Variants in MEGF11 observed in about 807,000 individuals in gnomAD.
MEGF11 encodes multiple epidermal growth factor-like domains protein 11.
Under a neutral mutation model 146.6 loss-of-function variants are expected in MEGF11, and 126 were observed. That is an observed-to-expected ratio of 0.86 (90% confidence interval 0.74 to 1.00). The LOEUF (loss-of-function observed/expected upper bound fraction) is 1.00. MEGF11 is among the 50% of genes least tolerant of loss of function. The probability of loss-of-function intolerance (pLI) is 0.00; values close to 1 mark genes in which losing one functional copy is unlikely to be tolerated. For synonymous variants in MEGF11, 532 were observed against 583.4 expected (o/e 0.91, Z 1.27); for missense variants, 1,509 against 1,521.2 (o/e 0.99, Z 0.13).
At chr15:65,942,368 AG>A (rs1354920866) in intron 10 of MEGF11, among the ~76,000 whole-genome samples, 1 of 152,184 alleles carries the variant, frequency 6.6e-6, no homozygotes, top group African/African-American at 2.4e-5. Context: ...GGGAACTCTT[AG>A]GGGGCATTTG....
At chr15:66,242,894 G>A (rs2092239023) in intron 1 of MEGF11, among the ~76,000 whole-genome samples, 1 of 152,168 alleles carries the variant, frequency 6.6e-6, no homozygotes, top group African/African-American at 2.4e-5. Context: ...TACTGAGAGA[G>A]GAAGGAAATC....
At chr15:66,108,947 C>A (rs1199123411) in intron 4 of MEGF11, among the ~76,000 whole-genome samples, 1 of 152,214 alleles carries the variant, frequency 6.6e-6, no homozygotes, top group Non-Finnish European at 1.5e-5. Context: ...CTGACACAAC[C>A]AAAGGCTTCC....
At chr15:66,107,276 AG>A (rs1223719575) in intron 4 of MEGF11, among the ~76,000 whole-genome samples, 1 of 152,204 alleles carries the variant, frequency 6.6e-6, no homozygotes, top group Non-Finnish European at 1.5e-5. Context: ...ACTGGGAGGC[AG>A]TGGGAGGCTC....
intron 2 of MEGF11, among the ~76,000 whole-genome samples, chr15:66,124,527 T>C (rs1394084458): frequency 1.3e-5 from 2 of 152,232 alleles, no homozygotes; most frequent in Non-Finnish European, 2.9e-5. Flanking sequence ...CTGTGTCAAG[T>C]GTTTCAATAC....
intron 1 of MEGF11, among the ~76,000 whole-genome samples, chr15:66,144,501 G>A (rs1177815932): frequency 6.6e-6 from 1 of 152,152 alleles, no homozygotes; most frequent in East Asian, 1.9e-4. Context: ...AGTGTCAGTG[G>A]GTGGCAGAAA....
At chr15:66,085,924 A>T (rs1351723220) in intron 5 of MEGF11, among the ~76,000 whole-genome samples, 1 of 152,242 alleles carries the variant, frequency 6.6e-6, no homozygotes, top group Non-Finnish European at 1.5e-5. Flanking sequence ...AAAAAATGAT[A>T]CAAGAAGTGA....
chr15:65,990,106 G>A (rs1010640953), intron 5 of MEGF11, among the ~76,000 whole-genome samples: 2 of 152,140 alleles, frequency 1.3e-5, no homozygotes, highest in African/African-American at 4.8e-5. Flanking sequence ...AGCTACTTGG[G>A]AGGCTGAGGT....
intron 5 of MEGF11, among the ~76,000 whole-genome samples, chr15:66,060,524 A>G (rs1425306918): frequency 2.0e-5 from 3 of 152,210 alleles, no homozygotes; most frequent in East Asian, 1.9e-4. Flanking sequence ...TCCTCTCTGC[A>G]GTACCTGTTG....
At chr15:66,054,415 A>C (rs553916168) in intron 5 of MEGF11, among the ~76,000 whole-genome samples, 58 of 152,198 alleles carry the variant, frequency 3.8e-4, no homozygotes, top group South Asian at 1.5e-3. Context: ...AGACTCTCCA[A>C]CATTCCCAGA....
rs2082120277 is a variant in MEGF11, at chr15:65,993,660, G to C, written c.395-11172C>G. Among the ~76,000 whole-genome samples, 5 of 152,334 alleles carry C rather than the reference G, an allele frequency of 3.3e-5. No homozygotes were observed. In the South Asian group the frequency reaches 8.3e-4, roughly 25 times the overall value. On this transcript the variant is annotated intron_variant, in intron 5 of 25. Transcript: ENST00000395614. The stretch of plus-strand genomic sequence containing the variant: ...TCAGGCTGTGTGGGGGCGGGTAGGG[G>C]AGGGAGAGGGTAGGGATCAAGGGGA...
chr15:65,951,715 A>C (rs112894530), intron 10 of MEGF11, among the ~76,000 whole-genome samples: 28 of 117,696 alleles, frequency 2.4e-4, no homozygotes, highest in South Asian at 2.3e-3. Flanking sequence ...AACAAACAAA[A>C]AAACCCCAAC....
At chr15:65,989,429 G>A (rs981180268) in intron 5 of MEGF11, among the ~76,000 whole-genome samples, 1 of 152,186 alleles carries the variant, frequency 6.6e-6, no homozygotes, top group Non-Finnish European at 1.5e-5. Context: ...TCCCAGAAAG[G>A]TCTGTGGCCC....
intron 1 of MEGF11, among the ~76,000 whole-genome samples, chr15:66,155,255 C>T (rs1051922091): frequency 3.5e-5 from 5 of 144,464 alleles, no homozygotes; most frequent in African/African-American, 1.1e-4. Context: ...CATGGTGATG[C>T]CCCCCACCCC....
chr15:66,155,659 T>G (rs987742350), intron 1 of MEGF11, among the ~76,000 whole-genome samples: 4 of 152,180 alleles, frequency 2.6e-5, no homozygotes, highest in African/African-American at 7.2e-5. Flanking sequence ...ATCTCCCCCA[T>G]AAGCCTGTCC....
chr15:65,906,533 GA>G (rs1345809269), intron 23 of MEGF11: 2 of 168,986 alleles, frequency 1.2e-5, no homozygotes, highest in Non-Finnish European at 2.5e-5. Flanking sequence ...GAATGAAGCA[GA>G]ACCAGTTCTT....
chr15:66,232,664 A>T (rs1473732475), intron 1 of MEGF11, among the ~76,000 whole-genome samples: 2 of 152,182 alleles, frequency 1.3e-5, no homozygotes, highest in African/African-American at 4.8e-5. Flanking sequence ...CCAGGAGAAC[A>T]GACCCTGCTC....
chr15:65,967,114 TACTC>T (rs762559455), intron 8 of MEGF11: 4 of 152,264 alleles, frequency 2.6e-5, no homozygotes, highest in Non-Finnish European at 5.9e-5. Flanking sequence ...AATGGGACGA[TACTC>T]ACTAAACCTC....
At chr15:66,096,586 C>T (rs1000407595) in intron 4 of MEGF11, among the ~76,000 whole-genome samples, 32 of 152,254 alleles carry the variant, frequency 2.1e-4, no homozygotes, top group Non-Finnish European at 3.7e-4. Flanking sequence ...GCGGTGGGGC[C>T]GTTCCAGAGG....
intron 9 of MEGF11, among the ~76,000 whole-genome samples, chr15:65,961,586 G>A (rs1307413327): frequency 6.6e-6 from 1 of 152,214 alleles, no homozygotes; most frequent in East Asian, 1.9e-4. Flanking sequence ...GTTTCTTTGT[G>A]TGTGCTGCAA....
Sources: gnomAD v4.1 joint callset for allele counts (sites outside exome capture counted in the v4.1 genomes callset) on GRCh38, gnomAD v4.1.1 for gene constraint, MANE v1.5 for transcripts, NCBI Gene and HGNC (gene_info 2026-07-23, HGNC 2026-07-21) for gene names.